The following MBTPS1 variants were observed in gnomAD, a reference collection of about 807,000 sequenced individuals.
The protein encoded by MBTPS1 is membrane-bound transcription factor site-1 protease.
Under a neutral mutation model 127.8 loss-of-function variants are expected in MBTPS1, and 94 were observed. The ratio of observed to expected loss-of-function variants is 0.74; its 90% CI spans 0.62 to 0.87. MBTPS1 has a LOEUF of 0.87. Among genes scored for constraint, MBTPS1 ranks in the 40% least tolerant of loss-of-function variants. MBTPS1 has a pLI of 0.00. For synonymous variants in MBTPS1, 632 were observed against 509.4 expected, an observed-to-expected ratio of 1.24 and a Z score of -3.24; for missense variants, 1,636 against 1,353.2, an observed-to-expected ratio of 1.21 and a Z score of -3.28.
At position 84,054,488 on chromosome 16, in the gene MBTPS1, G is replaced by A; in HGVS notation, c.3120C>T (p.Leu1040=). 6.2e-7 allele frequency: 1 copy of A among 1,611,688 alleles called. No homozygotes were observed. Among genetic ancestry groups the A allele is most frequent in the South Asian group, 1.1e-5 (1 of 90,834 alleles). ...TCTTTGGCGGGTGAACCTGCTGCATGAGCTGCGGGCGCTTCACCCTGGGCT... is the reference window on the plus strand; with the variant it reads ...TCTTTGGCGGGTGAACCTGCTGCATAAGCTGCGGGCGCTTCACCCTGGGCT... ...RRKPRVKRPQ[L]MQQVHPPKTP... is the part of the protein sequence containing the mutation. The change falls in exon 23 of 23, where the codon CTC becomes CTT. Residue 1040 remains leucine, a synonymous_variant. Transcript: ENST00000343411.
intron 1 of MBTPS1, among the ~76,000 whole-genome samples, chr16:84,106,093 G>C (rs563108842): frequency 6.6e-6 from 1 of 152,074 alleles, no homozygotes; most frequent in African/African-American, 2.4e-5. Flanking sequence ...CCAGGAATTC[G>C]AGACCATCCT....
intron 1 of MBTPS1, among the ~76,000 whole-genome samples, chr16:84,102,519 A>G (rs1047853354): frequency 6.6e-6 from 1 of 152,186 alleles, no homozygotes; most frequent in African/African-American, 2.4e-5. Context: ...AGTAAGGACA[A>G]CAAAATAACA....
chr16:84,059,761 G>T, intron 20 of MBTPS1: 1 of 165,714 alleles, frequency 6.0e-6, no homozygotes, highest in Non-Finnish European at 1.3e-5. Flanking sequence ...CTACAGACCG[G>T]TTTCATGGAA....
chr16:84,065,971 C>G (rs1299262910), intron 17 of MBTPS1, among the ~76,000 whole-genome samples: 2 of 152,150 alleles, frequency 1.3e-5, no homozygotes, highest in Non-Finnish European at 2.9e-5. Flanking sequence ...ACACTACTAA[C>G]ATCAGGTTTC....
At chr16:84,057,244 C>T (rs747159573) in intron 21 of MBTPS1, 10 of 152,246 alleles carry the variant, frequency 6.6e-5, no homozygotes, top group Non-Finnish European at 1.0e-4. Flanking sequence ...TTTAATTTTA[C>T]ACTTCAGGCT....
Position 84,063,350 on chromosome 16 carries a change from G to A in MBTPS1, c.2527C>T (p.Leu843=). 1 of 1,614,120 alleles carries A rather than the reference G, an allele frequency of 6.2e-7. No homozygotes were observed. Among genetic ancestry groups the A allele is most frequent in the Non-Finnish European group, 8.5e-7 (1 of 1,179,986 alleles). Residue 843 remains leucine (L), a synonymous_variant, in exon 19 of 23, where the codon CTG becomes TTG. Transcript: ENST00000343411. ...TCCAAGCAATTGGAGTCCCCATACA[G>A]TACAATCCGGCCTCCACCCTCAGCT... The part of the protein sequence containing the change: ...IPAEGGGRIV[L]YGDSNCLDDS...
Position 84,067,653 on chromosome 16 carries a change from C to G in MBTPS1, c.2228+14G>C, listed in dbSNP as rs767376751. On this transcript the variant is annotated intron_variant, in intron 16 of 22. Coordinates refer to ENST00000343411, the MANE Select transcript of MBTPS1 (RefSeq NM_003791.4). Reference sequence around the variant, plus strand: ...CAAAAGTCTTATCCAAATACCAATGCGTATCAACAGTACCTTGTGTTTTCA... The same window carrying G: ...CAAAAGTCTTATCCAAATACCAATGGGTATCAACAGTACCTTGTGTTTTCA... The G allele has an allele frequency of 6.3e-7, 1 of 1,587,342 alleles. No individual in the cohort carries two copies. Among genetic ancestry groups the G allele is most frequent in the Non-Finnish European group, 8.6e-7 (1 of 1,159,024 alleles).
intron 21 of MBTPS1, among the ~76,000 whole-genome samples, chr16:84,058,676 G>T (rs749860683): frequency 1.3e-5 from 2 of 152,222 alleles, no homozygotes; most frequent in South Asian, 2.1e-4. Context: ...AGCCACAGAG[G>T]GAAACAGCAG....
At chr16:84,090,745 A>T (rs981074995) in intron 8 of MBTPS1, 130 bp downstream of exon 8, 1 of 697,808 alleles carries the variant, frequency 1.4e-6, no homozygotes, top group African/African-American at 1.8e-5. Flanking sequence ...TACATGAGGA[A>T]AACATCCTTA....
Position 84,060,683 on chromosome 16 carries a change from T to C in MBTPS1, c.2703A>G (p.Glu901=). ...GAGSVTPERM[E]GNHLHRYSKV... is the part of the protein sequence containing the mutation. ...AAGGCATCCTGCCCATCCACTCACC[T>C]TCCATCCTCTCTGGAGTGACTGAGC... The change falls in exon 20 of 23, where the codon GAA becomes GAG. Residue 901 remains glutamate, a splice_region_variant and synonymous_variant. Transcript: ENST00000343411. 6.2e-7 allele frequency: 1 copy of C among 1,613,360 alleles called. No individual in the cohort carries two copies. The highest frequency in any genetic ancestry group is 8.5e-7 in the Non-Finnish European group (1 of 1,179,454).
intron 2 of MBTPS1, among the ~76,000 whole-genome samples, chr16:84,101,075 C>T (rs1029255224): frequency 8.6e-5 from 13 of 151,042 alleles, no homozygotes; most frequent in African/African-American, 2.9e-4. Context: ...CCAAGGCAGG[C>T]GGATCACGAG....
chr16:84,101,382 T>C (rs919318921), intron 2 of MBTPS1, among the ~76,000 whole-genome samples: 3 of 151,782 alleles, frequency 2.0e-5, no homozygotes, highest in African/African-American at 4.8e-5. Context: ...TCCCAGCTAC[T>C]TGGGAGGCTG....
chr16:84,083,561 G>A (rs534919715), intron 10 of MBTPS1, among the ~76,000 whole-genome samples: 6 of 152,158 alleles, frequency 3.9e-5, no homozygotes, highest in African/African-American at 1.4e-4. Flanking sequence ...AAAGTGCTGG[G>A]ATTACAGGTG....
chr16:84,082,063 G>C (rs1399847596), intron 10 of MBTPS1, 155 bp from the exon 11 acceptor site: 2 of 457,588 alleles, frequency 4.4e-6, no homozygotes, highest in Non-Finnish European at 7.3e-6. Context: ...GAGAGAATGA[G>C]TGCACACTCA....
chr16:84,063,750 T>TAA (rs897968447), intron 18 of MBTPS1, among the ~76,000 whole-genome samples: 1 of 149,050 alleles, frequency 6.7e-6, no homozygotes, highest in Non-Finnish European at 1.5e-5. Context: ...GCCTCTATCT[T>TAA]AAAAAAAAAA....
At position 84,101,861 on chromosome 16, in the gene MBTPS1, G is replaced by C. The variant is rs1439614655; in HGVS notation, c.-78C>G. 5 of 1,402,684 alleles carry C rather than the reference G, an allele frequency of 3.6e-6. No individual in the cohort carries two copies. Among genetic ancestry groups the C allele is most frequent in the Non-Finnish European group, 3.0e-6 (3 of 1,011,594 alleles). The allele number at this position is 1,402,684 out of a possible 1,614,324, so 86.9% of individuals were successfully genotyped here. A position where few individuals can be genotyped will look rare whatever the true frequency, so the allele number is the denominator to read the frequency against. On this transcript the variant is annotated 5_prime_UTR_variant, in exon 2 of 23. Transcript: ENST00000343411. Reference sequence around the variant, plus strand: ...TCTTCTTGATTAAAAGTGAATTTTTGTTTCAGCTAAAAGCTGCAACATTAC... The same window carrying C: ...TCTTCTTGATTAAAAGTGAATTTTTCTTTCAGCTAAAAGCTGCAACATTAC...
intron 12 of MBTPS1, among the ~76,000 whole-genome samples, chr16:84,072,852 G>A (rs1342741834): frequency 1.3e-5 from 2 of 152,176 alleles, no homozygotes; most frequent in African/African-American, 4.8e-5. Context: ...AACCCCACTG[G>A]CAGCAGTCTA....
At chr16:84,093,491 T>G (rs1043568903) in intron 5 of MBTPS1, among the ~76,000 whole-genome samples, 194 bp from the exon 6 acceptor site, 3 of 152,094 alleles carry the variant, frequency 2.0e-5, no homozygotes, top group African/African-American at 7.2e-5. Context: ...CTCCACGCTC[T>G]CCGGGACAGG....
rs763300339 is a variant in MBTPS1, at chr16:84,101,747, C to G, written c.37G>C (p.Val13Leu). 6.2e-7 allele frequency: 1 copy of G among 1,614,050 alleles called. No individual in the cohort carries two copies. Among genetic ancestry groups the G allele is most frequent in the Non-Finnish European group, 8.5e-7 (1 of 1,179,970 alleles). Reference protein sequence around the residue: ...LVNIWLLLLVVLLCGKKHLGD... With the variant: ...LVNIWLLLLVLLLCGKKHLGD... ...AGATGTTTCTTCCCACAGAGCAAAA[C>G]CACGAGCAGAAGCAGCCAGATGTTG... The change falls in exon 2 of 23, where the codon GTT (valine) becomes CTT (leucine). Residue 13 changes from valine (V) to leucine (L), a missense_variant. By Grantham distance (32) the Val-to-Leu change is conservative. Transcript: ENST00000343411.
Sources: gnomAD v4.1 joint callset for allele counts (sites outside exome capture counted in the v4.1 genomes callset) on GRCh38, gnomAD v4.1.1 for gene constraint, MANE v1.5 for transcripts, NCBI Gene and HGNC (gene_info 2026-07-23, HGNC 2026-07-21) for gene names.